The following ATP8A2 variants were observed in gnomAD, a reference collection of about 807,000 sequenced individuals.
ATP8A2 encodes the protein ATPase phospholipid transporting 8A2.
A neutral mutation model predicts 165.6 loss-of-function variants in ATP8A2; 100 were observed. The ratio of observed to expected loss-of-function variants is 0.60; its 90% confidence interval spans 0.51 to 0.71. ATP8A2 has a LOEUF of 0.71. ATP8A2 is among the 30% of genes least tolerant of loss of function. ATP8A2 has a pLI of 0.00. For missense variants in ATP8A2, 1,227 were observed against 1,479.5 expected, an observed-to-expected ratio of 0.83 and a Z score of 2.80; for synonymous variants, 543 against 548.8, an observed-to-expected ratio of 0.99 and a Z score of 0.15.
In ATP8A2 at chr13:25,554,993, C is replaced by T; in HGVS notation, c.1188C>T (p.Asp396=). 1.3e-6 allele frequency: 2 copies of T among 1,590,410 alleles called. No homozygotes were observed. The highest frequency in any genetic ancestry group is 1.7e-6 in the Non-Finnish European group (2 of 1,159,942). Residue 396 remains aspartate, a splice_region_variant and synonymous_variant, in exon 13 of 37, where the codon GAC becomes GAT. Transcript: ENST00000381655. ...GTCTCTTGTTCTCTCTCTCTCAGGA[C>T]ACAGATATGTATTATATAGGAAATG... ...KYTQALFINW[D]TDMYYIGNDT... is the part of the protein sequence containing the mutation.
At chr13:25,505,483 A>G (rs1205790520) in intron 2 of ATP8A2, among the ~76,000 whole-genome samples, 1 of 152,226 alleles carries the variant, frequency 6.6e-6, no homozygotes, top group Non-Finnish European at 1.5e-5. Context: ...CGTATAATTT[A>G]ACCTCATAGA....
At chr13:25,625,227 G>A (rs1278934581) in intron 24 of ATP8A2, among the ~76,000 whole-genome samples, 1 of 152,198 alleles carries the variant, frequency 6.6e-6, no homozygotes, top group African/African-American at 2.4e-5. Flanking sequence ...AGAGACAGGA[G>A]AAATGTTAAT....
chr13:25,508,732 T>C (rs914228172), intron 2 of ATP8A2, among the ~76,000 whole-genome samples: 1 of 152,254 alleles, frequency 6.6e-6, no homozygotes, highest in Non-Finnish European at 1.5e-5. Flanking sequence ...TATTAGATGA[T>C]GCATATATCC....
intron 33 of ATP8A2, among the ~76,000 whole-genome samples, chr13:25,918,125 T>C (rs1364652471): frequency 6.6e-6 from 1 of 152,162 alleles, no homozygotes; most frequent in Non-Finnish European, 1.5e-5. Flanking sequence ...ACCACATAAA[T>C]GGATTTGAGC....
intron 25 of ATP8A2, among the ~76,000 whole-genome samples, chr13:25,729,190 T>C (rs1465389250): frequency 6.6e-6 from 1 of 152,204 alleles, no homozygotes; most frequent in East Asian, 1.9e-4. Context: ...TTCTGTTAGT[T>C]CCCCTGTGCT....
intron 27 of ATP8A2, among the ~76,000 whole-genome samples, chr13:25,815,396 T>C (rs1950986598): frequency 6.6e-6 from 1 of 152,040 alleles, no homozygotes; most frequent in East Asian, 1.9e-4. Flanking sequence ...AGTAGACATT[T>C]CTCCAAAGAA....
intron 22 of ATP8A2, among the ~76,000 whole-genome samples, chr13:25,580,752 T>A (rs1566295840): frequency 6.6e-6 from 1 of 152,206 alleles, no homozygotes; most frequent in Non-Finnish European, 1.5e-5. Context: ...CAGGCTGGTC[T>A]CAAACTCCTG....
chr13:25,923,513 G>A (rs1057143305), intron 33 of ATP8A2, among the ~76,000 whole-genome samples: 1 of 152,072 alleles, frequency 6.6e-6, no homozygotes, highest in African/African-American at 2.4e-5. Context: ...TGTCCAGCAG[G>A]CCAACATTTC....
intron 33 of ATP8A2, among the ~76,000 whole-genome samples, chr13:25,920,947 A>G (rs572854737): frequency 3.3e-5 from 5 of 152,042 alleles, no homozygotes; most frequent in East Asian, 1.9e-4. Context: ...GTGCTCGCCT[A>G]TAGTTCTGGC....
At chr13:25,956,722 C>A (rs1955532586) in intron 33 of ATP8A2, among the ~76,000 whole-genome samples, 1 of 152,142 alleles carries the variant, frequency 6.6e-6, no homozygotes, top group Non-Finnish European at 1.5e-5. Flanking sequence ...TCAATGCTCT[C>A]CCCATCAAGC....
At chr13:25,736,144 A>G (rs1184650546) in intron 25 of ATP8A2, among the ~76,000 whole-genome samples, 1 of 152,212 alleles carries the variant, frequency 6.6e-6, no homozygotes, top group Non-Finnish European at 1.5e-5. Context: ...GGTGTGTAGT[A>G]GGTTATACCA....
At chr13:25,570,694 G>A (rs1593555230) in intron 16 of ATP8A2, 73 bp from the exon 17 acceptor site, 2 of 1,172,302 alleles carry the variant, frequency 1.7e-6, no homozygotes, top group African/African-American at 3.0e-5. Flanking sequence ...TGTTAGTTGG[G>A]GATCTGCTTG....
intron 24 of ATP8A2, among the ~76,000 whole-genome samples, chr13:25,627,714 G>A (rs1412603060): frequency 6.6e-6 from 1 of 152,152 alleles, no homozygotes; most frequent in Non-Finnish European, 1.5e-5. Context: ...TTTTGTTATG[G>A]CAGCCTGAGC....
intron 33 of ATP8A2, among the ~76,000 whole-genome samples, chr13:25,904,780 TTCTC>T (rs1953880593): frequency 6.6e-6 from 1 of 152,196 alleles, no homozygotes. Flanking sequence ...GAGTTCCTCA[TTCTC>T]TCATCAGACT....
intron 33 of ATP8A2, among the ~76,000 whole-genome samples, chr13:25,955,263 ATAAG>A (rs1196083847): frequency 1.3e-5 from 2 of 152,218 alleles, no homozygotes; most frequent in Non-Finnish European, 2.9e-5. Flanking sequence ...AAGACAAGAA[ATAAG>A]TAAGATCAGA....
rs565415149 is a variant in ATP8A2 at position 25,770,137 on chromosome 13, A to G, written c.2568+908A>G. Among the ~76,000 whole-genome samples, 5 of 152,286 alleles carry G rather than the reference A, an allele frequency of 3.3e-5. No individual in the cohort carries two copies. The South Asian group carries it at 1.0e-3, about 32-fold the overall frequency. On this transcript the variant is annotated intron_variant, in intron 26 of 36. Coordinates refer to ENST00000381655, the MANE Select transcript of ATP8A2 (RefSeq NM_016529.6). Reference sequence around the variant, plus strand: ...TAACTTTGAGAGAAACTCAGTTTATACTTTATAGTTTAAACAAAGATGGTA... The same window carrying G: ...TAACTTTGAGAGAAACTCAGTTTATGCTTTATAGTTTAAACAAAGATGGTA...
At chr13:25,829,720 A>ATC (rs1555273750) in intron 28 of ATP8A2, among the ~76,000 whole-genome samples, 1 of 103,566 alleles carries the variant, frequency 9.7e-6, no homozygotes, top group African/African-American at 3.7e-5. Flanking sequence ...ATATATATAT[A>ATC]TCACCTGCTT....
intron 8 of ATP8A2, among the ~76,000 whole-genome samples, chr13:25,540,682 G>A (rs768156415): frequency 6.6e-6 from 1 of 152,096 alleles, no homozygotes; most frequent in Non-Finnish European, 1.5e-5. Context: ...GAGTGGCTGG[G>A]AAGGACACAG....
chr13:25,501,337 G>A (rs2036847479), intron 2 of ATP8A2, among the ~76,000 whole-genome samples: 1 of 152,142 alleles, frequency 6.6e-6, no homozygotes, highest in Non-Finnish European at 1.5e-5. Flanking sequence ...AGGGCAAGGC[G>A]GGATGAGCAG....
Sources: allele counts gnomAD v4.1 joint callset (sites outside exome capture counted in the v4.1 genomes callset), GRCh38; gene constraint gnomAD v4.1.1; transcripts MANE v1.5; gene names NCBI Gene and HGNC (gene_info 2026-07-23, HGNC 2026-07-21).